Variants in CNTN5 observed in about 807,000 individuals in gnomAD.
CNTN5 encodes the protein contactin 5.
Under a neutral mutation model 129.1 loss-of-function variants are expected in CNTN5, and 77 were observed. The observed-to-expected ratio is 0.60, with a 90% CI of 0.50 to 0.72. CNTN5 has a LOEUF of 0.72. CNTN5 is among the 30% of genes least tolerant of loss of function. CNTN5 has a pLI of 0.00. For missense variants in CNTN5, 1,478 were observed against 1,328.8 expected (o/e 1.11, Z -1.75); for synonymous variants, 509 against 465.6 (o/e 1.09, Z -1.20).
At chr11:100,153,924 T>C (rs1162644754) in intron 13 of CNTN5, among the ~76,000 whole-genome samples, 2 of 152,130 alleles carry the variant, frequency 1.3e-5, no homozygotes, top group African/African-American at 4.8e-5. Context: ...GTTTCAAGTC[T>C]ACTTAAAATT....
At chr11:100,130,587 G>A (rs966284348) in intron 13 of CNTN5, among the ~76,000 whole-genome samples, 1 of 152,082 alleles carries the variant, frequency 6.6e-6, no homozygotes, top group African/African-American at 2.4e-5. Flanking sequence ...GGCAGGGATG[G>A]CTGTGTGAAC....
At chr11:99,362,621 T>C (rs1279406416) in intron 2 of CNTN5, among the ~76,000 whole-genome samples, 1 of 151,850 alleles carries the variant, frequency 6.6e-6, no homozygotes, top group African/African-American at 2.4e-5. Flanking sequence ...GCTTTTTTTT[T>C]CTTAAGCATC....
intron 1 of CNTN5, among the ~76,000 whole-genome samples, chr11:99,243,341 A>T (rs1861655176): frequency 6.6e-6 from 1 of 151,968 alleles, no homozygotes; most frequent in African/African-American, 2.4e-5. Context: ...TATGTTACTT[A>T]TAGGTTCTGG....
intron 6 of CNTN5, among the ~76,000 whole-genome samples, chr11:99,904,857 C>G (rs538164950): frequency 6.6e-6 from 1 of 152,174 alleles, no homozygotes; most frequent in African/African-American, 2.4e-5. Flanking sequence ...GATGGTATCT[C>G]TTTGTGGTTT....
At chr11:99,931,185 A>G (rs1011459743) in intron 7 of CNTN5, among the ~76,000 whole-genome samples, 2 of 152,306 alleles carry the variant, frequency 1.3e-5, no homozygotes, top group African/African-American at 4.8e-5. Context: ...ACTTTAAAAT[A>G]TTTCAATAGA....
At chr11:99,248,573 TTCTA>T (rs1255256228) in intron 1 of CNTN5, among the ~76,000 whole-genome samples, 10 of 152,330 alleles carry the variant, frequency 6.6e-5, no homozygotes, top group African/African-American at 2.4e-4. Flanking sequence ...CTAGGTTTTC[TTCTA>T]GGATTTTTAT....
intron 3 of CNTN5, among the ~76,000 whole-genome samples, chr11:99,612,144 T>A (rs560817487): frequency 4.6e-5 from 7 of 152,316 alleles, no homozygotes; most frequent in African/African-American, 1.7e-4. Context: ...TCATATTATT[T>A]AGACCATCCC....
chr11:100,189,266 T>TAA (rs35445081), intron 13 of CNTN5, among the ~76,000 whole-genome samples: 25 of 130,978 alleles, frequency 1.9e-4, no homozygotes, highest in Middle Eastern at 3.8e-3. Flanking sequence ...TAAGTTGAAT[T>TAA]AAAAAAAAAA....
chr11:99,948,164 T>C (rs573564967), intron 7 of CNTN5, among the ~76,000 whole-genome samples: 5 of 152,224 alleles, frequency 3.3e-5, no homozygotes, highest in Non-Finnish European at 7.3e-5. Flanking sequence ...TACAGGCTAA[T>C]TTAAAAATTA....
chr11:100,247,466 T>C (rs1346381506), intron 16 of CNTN5, among the ~76,000 whole-genome samples: 1 of 152,168 alleles, frequency 6.6e-6, no homozygotes, highest in African/African-American at 2.4e-5. Flanking sequence ...TTAGATTAGA[T>C]TAGTAAATAG....
rs562162398 is a variant in CNTN5 at position 99,255,673 on chromosome 11, G to C, written c.-209-69673G>C. Among the ~76,000 whole-genome samples, 23 of 151,508 alleles carry C rather than the reference G, an allele frequency of 1.5e-4. No individual in the cohort carries two copies. In the South Asian group the frequency reaches 4.8e-3, roughly 31 times the overall value. ...TAAAGAGCTAGTTTCTAATTTGAAAGCTTCATAGTAAGTATGAATTAAAAG... is the reference window on the plus strand; with the variant it reads ...TAAAGAGCTAGTTTCTAATTTGAAACCTTCATAGTAAGTATGAATTAAAAG... On this transcript the variant is annotated intron_variant, in intron 1 of 24. Coordinates refer to ENST00000524871, the MANE Select transcript of CNTN5 (RefSeq NM_014361.4).
intron 13 of CNTN5, among the ~76,000 whole-genome samples, chr11:100,171,920 T>A (rs1163484365): frequency 6.6e-6 from 1 of 152,002 alleles, no homozygotes; most frequent in Admixed American, 6.6e-5. Context: ...ATAAATAGTG[T>A]TTTTTCAAAG....
chr11:100,154,450 CT>C (rs1294036574), intron 13 of CNTN5, among the ~76,000 whole-genome samples: 1 of 152,082 alleles, frequency 6.6e-6, no homozygotes, highest in African/African-American at 2.4e-5. Flanking sequence ...GGTTCCAAGT[CT>C]TTGCTGTTGT....
At chr11:99,040,634 T>G (rs1863949182) in intron 1 of CNTN5, among the ~76,000 whole-genome samples, 2 of 152,154 alleles carry the variant, frequency 1.3e-5, no homozygotes, top group African/African-American at 4.8e-5. Flanking sequence ...TCTATTCAAC[T>G]TAGGTTTATT....
At chr11:100,231,721 G>T (rs1949493699) in intron 16 of CNTN5, among the ~76,000 whole-genome samples, 1 of 152,168 alleles carries the variant, frequency 6.6e-6, no homozygotes, top group African/African-American at 2.4e-5. Context: ...TGTAGTAAAG[G>T]AATAACATTT....
chr11:99,226,999 T>C (rs914484362), intron 1 of CNTN5, among the ~76,000 whole-genome samples: 1 of 152,156 alleles, frequency 6.6e-6, no homozygotes, highest in Non-Finnish European at 1.5e-5. Flanking sequence ...TATCACAGTA[T>C]CATTCACATA....
rs1943330875 is a variant in CNTN5 at position 100,058,502 on chromosome 11, A to G, written c.981-2710A>G. On this transcript the variant is annotated intron_variant, in intron 9 of 24. Transcript: ENST00000524871. Reference sequence around the variant, plus strand: ...ATCTCACCTCTGAATATATGCAAAAATTCTAGGATCTATTAAAAGAATAAT... The same window carrying G: ...ATCTCACCTCTGAATATATGCAAAAGTTCTAGGATCTATTAAAAGAATAAT... Among the ~76,000 whole-genome samples the G allele has an allele frequency of 2.0e-5, 3 of 152,128 alleles. 1 individual carries two copies. The South Asian group carries it at 6.2e-4, about 31-fold the overall frequency.
At chr11:100,311,166 T>C (rs1951464807) in intron 21 of CNTN5, among the ~76,000 whole-genome samples, 2 of 151,882 alleles carry the variant, frequency 1.3e-5, no homozygotes, top group Admixed American at 1.3e-4. Flanking sequence ...ACTAGAGTGG[T>C]AGCAGTGGAG....
intron 3 of CNTN5, among the ~76,000 whole-genome samples, chr11:99,758,220 A>G (rs901150851): frequency 6.6e-6 from 1 of 151,714 alleles, no homozygotes; most frequent in African/African-American, 2.4e-5. Context: ...ACCACTTCAA[A>G]CCCTCCCTTT....
Sources: gnomAD v4.1 joint callset for allele counts (sites outside exome capture counted in the v4.1 genomes callset) on GRCh38, gnomAD v4.1.1 for gene constraint, MANE v1.5 for transcripts, NCBI Gene and HGNC (gene_info 2026-07-23, HGNC 2026-07-21) for gene names.